Variants in TARBP1 observed in about 807,000 individuals in gnomAD.
The protein encoded by TARBP1 is tRNA (guanosine(18)-2'-O)-methyltransferase TARBP1.
A neutral mutation model predicts 178.6 loss-of-function variants in TARBP1; 144 were observed. The ratio of observed to expected loss-of-function variants is 0.81; its 90% CI spans 0.70 to 0.93. The LOEUF is 0.93. Among genes scored for constraint, TARBP1 ranks in the 40% least tolerant of loss-of-function variants. The pLI, the probability that TARBP1 is intolerant of heterozygous loss-of-function variation, is 0.00. For missense variants in TARBP1, 2,067 were observed against 2,011.7 expected, an observed-to-expected ratio of 1.03 and a Z score of -0.53; for synonymous variants, 787 against 781.0, an observed-to-expected ratio of 1.01 and a Z score of -0.13.
chr1:234,467,990 G>T (rs1668623939), intron 3 of TARBP1, among the ~76,000 whole-genome samples: 1 of 152,038 alleles, frequency 6.6e-6, no homozygotes, highest in Non-Finnish European at 1.5e-5. Context: ...TGTTGCCTAG[G>T]TTGGTCTCAA....
chr1:234,405,961 C>T lies in TARBP1; in HGVS notation c.3931G>A (p.Ala1311Thr). Residue 1311 changes from alanine to threonine, a missense_variant, in exon 24 of 30, where the codon GCC (alanine) becomes ACC (threonine). By Grantham distance (58) the Ala-to-Thr change is moderately conservative. Coordinates refer to ENST00000040877, the MANE Select transcript of TARBP1 (RefSeq NM_005646.4). ...CKVLSVEEFD[A>T]LTPVIESSLH... The stretch of plus-strand genomic sequence containing the variant: ...CTGGATTCAATCACAGGAGTCAGGG[C>T]ATCAAATTCTTCAACACTTAACACT... 1 of 1,614,166 alleles carries T rather than the reference C, an allele frequency of 6.2e-7. No individual in the cohort carries two copies.
At position 234,465,457 on chromosome 1, in the gene TARBP1, A is replaced by G. The variant is rs558113429; in HGVS notation, c.1301+199T>C. On this transcript the variant is annotated intron_variant, in intron 5 of 29. Transcript: ENST00000040877. ...GCAGCTCAAGGCAGAAAAAGGAAACAAGAAAAAACAAAGGAGAAACACTTG... is the reference window on the plus strand; with the variant it reads ...GCAGCTCAAGGCAGAAAAAGGAAACGAGAAAAAACAAAGGAGAAACACTTG... Among the ~76,000 whole-genome samples, 3 of 152,302 alleles carry G rather than the reference A, an allele frequency of 2.0e-5. No homozygotes were observed. The East Asian group carries it at 5.8e-4, about 29-fold the overall frequency.
chr1:234,422,223 C>T (rs926941480), intron 20 of TARBP1, among the ~76,000 whole-genome samples: 3 of 152,162 alleles, frequency 2.0e-5, no homozygotes, highest in Non-Finnish European at 4.4e-5. Flanking sequence ...TCCCTTTCAG[C>T]TCAAAATCTT....
chr1:234,464,316 C>T (rs1368138471), intron 5 of TARBP1, among the ~76,000 whole-genome samples: 2 of 152,110 alleles, frequency 1.3e-5, no homozygotes, highest in Non-Finnish European at 2.9e-5. Flanking sequence ...AGGTCTAAAA[C>T]AAAAGAAGTA....
intron 20 of TARBP1, 125 bp downstream of exon 20, chr1:234,425,548 G>A: frequency 1.9e-6 from 2 of 1,055,988 alleles, no homozygotes; most frequent in African/African-American, 3.2e-5. Context: ...TAAAAATACA[G>A]AACATAAACT....
chr1:234,422,131 A>G (rs1189763931), intron 20 of TARBP1, among the ~76,000 whole-genome samples: 1 of 152,192 alleles, frequency 6.6e-6, no homozygotes, highest in East Asian at 1.9e-4. Flanking sequence ...CGCATTCAGA[A>G]GAAGCATCTT....
At chr1:234,429,382 G>C (rs1416694529) in intron 16 of TARBP1, 34 bp downstream of exon 16, 27 of 1,583,314 alleles carry the variant, frequency 1.7e-5, no homozygotes, top group Non-Finnish European at 2.2e-5. Flanking sequence ...CACTCCTATA[G>C]TTACTGTTCA....
chr1:234,424,243 G>A (rs1663450132), intron 20 of TARBP1, among the ~76,000 whole-genome samples: 2 of 152,190 alleles, frequency 1.3e-5, no homozygotes, highest in African/African-American at 4.8e-5. Flanking sequence ...GGCTTTAAAT[G>A]ACAGGTAACT....
At chr1:234,418,531 T>C (rs1336450576) in intron 21 of TARBP1, among the ~76,000 whole-genome samples, 1 of 152,218 alleles carries the variant, frequency 6.6e-6, no homozygotes, top group East Asian at 1.9e-4. Context: ...CAAAGTCACA[T>C]ACCTAGTAAG....
Position 234,433,513 on chromosome 1 carries a change from A to G in TARBP1, c.2291T>C (p.Leu764Pro). 1 of 1,614,084 alleles carries G rather than the reference A, an allele frequency of 6.2e-7. No individual in the cohort carries two copies. The highest frequency in any genetic ancestry group is 8.5e-7 in the Non-Finnish European group (1 of 1,179,994). ...CCTTTTCCACCCAACCTTCAAATGC[A>G]GATTTATAAGCTCAGTTAACACCAT... ...YLMVLTELIN[L>P]HLKVGWKRGN... Residue 764 changes from leucine (L) to proline (P), a missense_variant, in exon 14 of 30, where the codon CTG (leucine) becomes CCG (proline). Physicochemically the swap from Leu to Pro is moderately conservative, Grantham distance 98. Coordinates refer to ENST00000040877, the MANE Select transcript of TARBP1 (RefSeq NM_005646.4).
chr1:234,401,313 T>C (rs373160581), intron 24 of TARBP1, 51 bp from the exon 25 acceptor site: 21 of 1,393,714 alleles, frequency 1.5e-5, no homozygotes, highest in African/African-American at 1.4e-4. Context: ...ACAACTCTGG[T>C]GAGGGGAGAA....
At chr1:234,453,813 G>T (rs1667025847) in intron 9 of TARBP1, among the ~76,000 whole-genome samples, 2 of 152,176 alleles carry the variant, frequency 1.3e-5, no homozygotes, top group Non-Finnish European at 2.9e-5. Context: ...GCCTCCTGAG[G>T]GTAGTCAACA....
chr1:234,431,009 A>T (rs998008349), intron 14 of TARBP1, among the ~76,000 whole-genome samples: 1 of 152,224 alleles, frequency 6.6e-6, no homozygotes, highest in African/African-American at 2.4e-5. Context: ...GTAGGAAAGG[A>T]GGGTAGCCAA....
chr1:234,432,639 G>A (rs1664579553), intron 14 of TARBP1, among the ~76,000 whole-genome samples: 1 of 152,176 alleles, frequency 6.6e-6, no homozygotes, highest in Admixed American at 6.5e-5. Context: ...CCAAGTGTAT[G>A]CTGGAGGAGA....
rs764884782 is a variant in TARBP1 at position 234,430,203 on chromosome 1, G to A, written c.2493C>T (p.Asp831=). Residue 831 remains aspartate (D), a synonymous_variant, in exon 15 of 30, where the codon GAC becomes GAT. Transcript: ENST00000040877. ...AIDQKPELQL[D]SLHAGPLESF... The stretch of plus-strand genomic sequence containing the variant: ...TTTCCAGGGGCCCAGCATGGAGAGA[G>A]TCCAGCTGCAGCTCAGGCTTCTGGT... 3.0e-5 allele frequency: 48 copies of A among 1,614,118 alleles called. No individual in the cohort carries two copies. In the Middle Eastern group the frequency reaches 1.5e-3, roughly 50 times the overall value.
chr1:234,465,143 CT>C (rs1668306730), intron 5 of TARBP1, among the ~76,000 whole-genome samples: 1 of 152,034 alleles, frequency 6.6e-6, no homozygotes, highest in East Asian at 1.9e-4. Context: ...ATGAGTAAGT[CT>C]GGTCAGTAGA....
intron 20 of TARBP1, 106 bp from the exon 21 acceptor site, chr1:234,420,918 G>C (rs1008894428): frequency 8.5e-6 from 5 of 588,548 alleles, no homozygotes; most frequent in Non-Finnish European, 1.4e-5. Flanking sequence ...ATTAGGCACA[G>C]GGGCTTTTTC....
intron 24 of TARBP1, among the ~76,000 whole-genome samples, chr1:234,404,703 T>C (rs930139882): frequency 6.6e-6 from 1 of 152,202 alleles, no homozygotes; most frequent in East Asian, 1.9e-4. Flanking sequence ...GTGCACGATG[T>C]ACCAGGAATC....
At chr1:234,402,361 C>T (rs1442438168) in intron 24 of TARBP1, among the ~76,000 whole-genome samples, 2 of 152,196 alleles carry the variant, frequency 1.3e-5, no homozygotes, top group African/African-American at 4.8e-5. Context: ...ACCCCCACCA[C>T]TAGCTGTTGA....
Sources: gnomAD v4.1 joint callset for allele counts (sites outside exome capture counted in the v4.1 genomes callset) on GRCh38, gnomAD v4.1.1 for gene constraint, MANE v1.5 for transcripts, NCBI Gene and HGNC (gene_info 2026-07-23, HGNC 2026-07-21) for gene names.